The following BLMH variants were observed in gnomAD, a reference collection of about 807,000 sequenced individuals.
BLMH encodes the protein bleomycin hydrolase, also known as BLM hydrolase.
BLMH carries 32 observed loss-of-function variants against 61.6 expected under a neutral mutation model. The observed-to-expected ratio is 0.52, with a 90% CI of 0.39 to 0.70. The LOEUF is 0.70. Ranked by LOEUF, BLMH falls within the 30% of genes least tolerant of loss-of-function variation. BLMH has a pLI of 0.00. For missense variants in BLMH, 460 were observed against 555.5 expected, an observed-to-expected ratio of 0.83 and a Z score of 1.73; for synonymous variants, 183 against 193.8, an observed-to-expected ratio of 0.94 and a Z score of 0.46.
At chr17:30,265,750 TA>T (rs961364200) in intron 11 of BLMH, among the ~76,000 whole-genome samples, 2 of 152,186 alleles carry the variant, frequency 1.3e-5, no homozygotes, top group African/African-American at 4.8e-5. Context: ...GAACTGGCTA[TA>T]AAATGCCCCC....
chr17:30,275,434 G>A lies in BLMH; in HGVS notation c.646-1237C>T, dbSNP rs1038024104. 4.6e-5 allele frequency among the ~76,000 whole-genome samples: 7 copies of A among 152,182 alleles called. No individual in the cohort carries two copies. In the South Asian group the frequency reaches 1.2e-3, roughly 27 times the overall value. On this transcript the variant is annotated intron_variant, in intron 6 of 11. Transcript: ENST00000261714. ...CCAGCACTTTGGGAGGCTGAGGCAG[G>A]TGGATCATGAGGTCAGGAGTTTGAG...
intron 11 of BLMH, among the ~76,000 whole-genome samples, chr17:30,263,232 A>G (rs1464323396): frequency 1.3e-5 from 2 of 152,176 alleles, no homozygotes; most frequent in Admixed American, 1.3e-4. Flanking sequence ...ATCATTTACT[A>G]GCTAGGGGAT....
intron 2 of BLMH, 33 bp downstream of exon 2, chr17:30,291,278 C>T (rs371032690): frequency 6.3e-7 from 1 of 1,594,168 alleles, no homozygotes; most frequent in Non-Finnish European, 8.5e-7. Context: ...TCAGGAAGGT[C>T]AAGGAACGTA....
intron 11 of BLMH, among the ~76,000 whole-genome samples, chr17:30,264,198 C>T (rs943883047): frequency 6.6e-6 from 1 of 152,144 alleles, no homozygotes; most frequent in South Asian, 2.1e-4. Context: ...GACTCCCTAC[C>T]CCCACTTCAG....
At chr17:30,290,259 A>G (rs548232811) in intron 2 of BLMH, among the ~76,000 whole-genome samples, 116 of 152,326 alleles carry the variant, frequency 7.6e-4, no homozygotes, top group Middle Eastern at 6.8e-3. Context: ...CACAACTCAC[A>G]TGCTATTTGG....
rs1908309949 is a variant in BLMH at position 30,272,735 on chromosome 17, A to G, written c.960+6T>C. ...CCAATGTGCAAAATACAGAAACAAT[A>G]CCAACCTCTCCATCTTTGATGGAGG... On this transcript the variant is annotated splice_donor_region_variant and intron_variant, in intron 8 of 11. Transcript: ENST00000261714. 1 of 1,614,094 alleles carries G rather than the reference A, an allele frequency of 6.2e-7. No homozygotes were observed. Among genetic ancestry groups the G allele is most frequent in the African/African-American group, 1.3e-5 (1 of 74,938 alleles).
intron 10 of BLMH, among the ~76,000 whole-genome samples, chr17:30,270,012 G>T (rs917841770): frequency 1.1e-4 from 16 of 152,184 alleles, no homozygotes; most frequent in African/African-American, 3.9e-4. Flanking sequence ...AAGTGAAGTA[G>T]TTGGAAGAGG....
At chr17:30,250,089 T>C (rs959820793) in intron 11 of BLMH, 1 of 152,226 alleles carries the variant, frequency 6.6e-6, no homozygotes, top group Non-Finnish European at 1.5e-5. Context: ...CAACTCAAGA[T>C]GGTCAAAGGC....
rs750629008 is a variant in BLMH at position 30,291,363 on chromosome 17, G to A, written c.159C>T (p.Phe53=). ...RATVQRAQHV[F]QHAVPQEGKP... ...TGCCCTCCTGGGGCACGGCGTGCTGGAACACATGCTGCGCGCGCTGCACCG... is the reference window on the plus strand; with the variant it reads ...TGCCCTCCTGGGGCACGGCGTGCTGAAACACATGCTGCGCGCGCTGCACCG... Residue 53 remains phenylalanine, a synonymous_variant, in exon 2 of 12, where the codon TTC becomes TTT. Transcript: ENST00000261714. 7 of 1,613,092 alleles carry A rather than the reference G, an allele frequency of 4.3e-6. 1 individual carries two copies. The South Asian group carries it at 7.7e-5, about 18-fold the overall frequency.
At chr17:30,265,414 C>T (rs1468038243) in intron 11 of BLMH, among the ~76,000 whole-genome samples, 1 of 152,160 alleles carries the variant, frequency 6.6e-6, no homozygotes, top group Non-Finnish European at 1.5e-5. Context: ...ATATCCAAAC[C>T]TCCACACCCC....
At chr17:30,269,823 G>A (rs1294287264) in intron 10 of BLMH, among the ~76,000 whole-genome samples, 2 of 152,070 alleles carry the variant, frequency 1.3e-5, no homozygotes, top group East Asian at 3.9e-4. Flanking sequence ...TTAAGTTCAG[G>A]GCACCTTTAC....
At chr17:30,267,479 T>C (rs958448691) in intron 10 of BLMH, among the ~76,000 whole-genome samples, 2 of 152,200 alleles carry the variant, frequency 1.3e-5, no homozygotes, top group Non-Finnish European at 2.9e-5. Flanking sequence ...CAAATAATGA[T>C]ACTCTCCCAA....
chr17:30,266,185 C>G (rs1908100228), intron 11 of BLMH, among the ~76,000 whole-genome samples: 1 of 152,112 alleles, frequency 6.6e-6, no homozygotes, highest in African/African-American at 2.4e-5. Context: ...CAGTCCCATT[C>G]TCCCATACAG....
intron 11 of BLMH, among the ~76,000 whole-genome samples, chr17:30,261,878 T>C (rs1490969003): frequency 4.6e-5 from 7 of 152,216 alleles, no homozygotes; most frequent in Admixed American, 4.6e-4. Context: ...AAAGTATCTT[T>C]AACTGAAACC....
At chr17:30,266,858 G>T in intron 11 of BLMH, 27 bp downstream of exon 11, 1 of 1,603,516 alleles carries the variant, frequency 6.2e-7, no homozygotes, top group Non-Finnish European at 8.5e-7. Flanking sequence ...CAGTCACCTG[G>T]AGTTAGTATT....
intron 6 of BLMH, among the ~76,000 whole-genome samples, chr17:30,281,385 GT>G (rs1908585182): frequency 6.6e-6 from 1 of 150,736 alleles, no homozygotes. Flanking sequence ...AGATCCCAAG[GT>G]GATTCATGTG....
intron 11 of BLMH, 101 bp from the exon 12 acceptor site, chr17:30,249,269 A>C (rs1907610734): frequency 3.4e-5 from 43 of 1,255,444 alleles, no homozygotes; most frequent in Non-Finnish European, 4.5e-5. Context: ...ATATTCATAC[A>C]TATTTTTCAG....
rs1438323295 is a variant in BLMH, at chr17:30,272,495, ACCAACAGCACACT to A, written c.1028+53_1028+65del. 13 of 1,567,514 alleles carry A rather than the reference ACCAACAGCACACT, an allele frequency of 8.3e-6. No homozygotes were observed. In the East Asian group the frequency reaches 2.7e-4, roughly 32 times the overall value. On this transcript the variant is annotated intron_variant, in intron 9 of 11. Coordinates refer to ENST00000261714, the MANE Select transcript of BLMH (RefSeq NM_000386.4). ...ATGAACCTCGGCAGAGTCATTTTGT[ACCAACAGCACACT>A]CCAACAGCAACAACCCACAAATGAC...
intron 2 of BLMH, 121 bp downstream of exon 2, chr17:30,291,190 T>G: frequency 7.9e-7 from 1 of 1,273,728 alleles, no homozygotes; most frequent in Non-Finnish European, 1.1e-6. Flanking sequence ...CTGTGCCTCA[T>G]TCTTTACGAA....
Sources: allele counts gnomAD v4.1 joint callset (sites outside exome capture counted in the v4.1 genomes callset), GRCh38; gene constraint gnomAD v4.1.1; transcripts MANE v1.5; gene names NCBI Gene and HGNC (gene_info 2026-07-23, HGNC 2026-07-21).